FAT3: variants seen among roughly 807,000 people sequenced by gnomAD.
FAT3 encodes protocadherin Fat 3.
A neutral mutation model predicts 310.2 loss-of-function variants in FAT3; 95 were observed. The ratio of observed to expected loss-of-function variants is 0.31; its 90% confidence interval spans 0.26 to 0.36. The LOEUF (loss-of-function observed/expected upper bound fraction) is 0.36. Ranked by LOEUF, FAT3 falls within the 10% of genes least tolerant of loss-of-function variation. The pLI is 1.00. For synonymous variants in FAT3, 2,314 were observed against 2,192.9 expected (o/e 1.06, Z -1.54); for missense variants, 5,408 against 5,715.6 (o/e 0.95, Z 1.74).
chr11:92,263,654 T>G (rs2608774), intron 1 of FAT3, among the ~76,000 whole-genome samples: 137,974 of 151,626 alleles, frequency 0.91, 62,890 homozygotes, highest in East Asian at 0.94. Context: ...TATATATATA[T>G]AGAGAGAGAT....
chr11:92,287,056 T>C (rs1591056082), intron 1 of FAT3, among the ~76,000 whole-genome samples: 1 of 152,146 alleles, frequency 6.6e-6, no homozygotes, highest in African/African-American at 2.4e-5. Context: ...CTTTAAACAG[T>C]AGATTCTTTA....
At chr11:92,584,893 C>G (rs936457252) in intron 3 of FAT3, among the ~76,000 whole-genome samples, 2 of 151,818 alleles carry the variant, frequency 1.3e-5, no homozygotes, top group Non-Finnish European at 2.9e-5. Context: ...AGCTGGAGGG[C>G]AGTATTTTGC....
In FAT3 at chr11:92,886,154, T is replaced by G. The variant is rs143874455; in HGVS notation, c.12938-846T>G. On this transcript the variant is annotated intron_variant, in intron 24 of 27. Transcript: ENST00000525166. ...AATTCACCTCAGGCCAAAACTCACA[T>G]TTCCCCCCAAAGTATTGTTGGGTTG... Among the ~76,000 whole-genome samples the G allele has an allele frequency of 3.6e-4, 55 of 152,290 alleles. 2 individuals carry two copies. In the East Asian group the frequency reaches 8.7e-3, roughly 24 times the overall value.
chr11:92,515,194 A>G (rs1953437495), intron 2 of FAT3, among the ~76,000 whole-genome samples: 1 of 152,146 alleles, frequency 6.6e-6, no homozygotes, highest in Non-Finnish European at 1.5e-5. Context: ...ATGAACAGAT[A>G]GATGGAAGGA....
intron 1 of FAT3, among the ~76,000 whole-genome samples, chr11:92,282,829 G>T (rs1946465169): frequency 6.6e-6 from 1 of 151,988 alleles, no homozygotes; most frequent in Non-Finnish European, 1.5e-5. Context: ...GTAAACGATT[G>T]TTTACTTATA....
chr11:92,837,789 T>C lies in FAT3; in HGVS notation c.10351T>C (p.Tyr3451His), dbSNP rs752539836. 4 of 1,614,032 alleles carry C rather than the reference T, an allele frequency of 2.5e-6. No individual in the cohort carries two copies. The highest frequency in any genetic ancestry group is 2.2e-5 in the South Asian group (2 of 91,084). ...CAGCCCGGTGTTTACACCTGCCAAC[T>C]ATACTGCTGTGATTCAGGTGAGAAA... is the stretch of plus-strand genomic sequence containing the variant. Reference protein sequence around the residue: ...DNSPVFTPANYTAVIQENKPV... With the variant: ...DNSPVFTPANHTAVIQENKPV... Residue 3451 changes from tyrosine (Y) to histidine (H), a missense_variant, in exon 17 of 28, where the codon TAT (tyrosine) becomes CAT (histidine). Physicochemically the swap from Tyr to His is moderately conservative, Grantham distance 83. Around this residue, in one of 5 missense-constraint regions of FAT3, gnomAD observed 4,588 missense variants for 4,809.8 expected, o/e 0.95. Coordinates refer to ENST00000525166, the MANE Select transcript of FAT3 (RefSeq NM_001367949.2).
intron 2 of FAT3, among the ~76,000 whole-genome samples, chr11:92,488,650 T>G (rs1236283191): frequency 6.6e-6 from 1 of 152,050 alleles, no homozygotes; most frequent in East Asian, 1.9e-4. Context: ...CTCCTCTGCC[T>G]AGAACCATCC....
chr11:92,351,384 T>C (rs1039832407), intron 1 of FAT3, among the ~76,000 whole-genome samples: 1 of 152,186 alleles, frequency 6.6e-6, no homozygotes, highest in African/African-American at 2.4e-5. Context: ...TGAACAATGT[T>C]CATTGAAGAA....
Position 92,354,018 on chromosome 11 carries a change from A to G in FAT3, c.1906A>G (p.Lys636Glu). The change falls in exon 2 of 28, where the codon AAA (lysine) becomes GAA (glutamate). Residue 636 changes from lysine to glutamate, a missense_variant. Lys to Glu is a moderately conservative substitution (Grantham distance 56, BLOSUM62 1). Transcript: ENST00000525166. ...LNPDSGVLQLKKSLTNSGIKN... is the reference protein window; with the variant it reads ...LNPDSGVLQLEKSLTNSGIKN... ...CCCAGATTCTGGTGTTTTACAGCTTAAAAAATCACTGACAAATTCTGGCAT... is the reference window on the plus strand; with the variant it reads ...CCCAGATTCTGGTGTTTTACAGCTTGAAAAATCACTGACAAATTCTGGCAT... 1 of 1,613,184 alleles carries G rather than the reference A, an allele frequency of 6.2e-7. No individual in the cohort carries two copies. The highest frequency in any genetic ancestry group is 8.5e-7 in the Non-Finnish European group (1 of 1,179,550).
chr11:92,285,604 C>T (rs1946542340), intron 1 of FAT3, among the ~76,000 whole-genome samples: 1 of 152,118 alleles, frequency 6.6e-6, no homozygotes, highest in Non-Finnish European at 1.5e-5. Context: ...TTGGGAAAGA[C>T]ACTTAGGTCT....
At chr11:92,248,347 A>G (rs1327713024) in intron 1 of FAT3, among the ~76,000 whole-genome samples, 2 of 152,122 alleles carry the variant, frequency 1.3e-5, no homozygotes, top group Non-Finnish European at 2.9e-5. Flanking sequence ...ACTAGATTTC[A>G]TGTCTCATAC....
intron 2 of FAT3, among the ~76,000 whole-genome samples, chr11:92,467,043 G>A (rs1448309917): frequency 2.0e-5 from 3 of 152,034 alleles, no homozygotes; most frequent in African/African-American, 4.8e-5. Context: ...CAATAAACAC[G>A]TGTGCATGTG....
At chr11:92,602,470 C>T (rs2135592275) in intron 3 of FAT3, among the ~76,000 whole-genome samples, 1 of 152,264 alleles carries the variant, frequency 6.6e-6, no homozygotes, top group South Asian at 2.1e-4. Flanking sequence ...AACAGATTGG[C>T]CGGTTAGCCT....
intron 3 of FAT3, among the ~76,000 whole-genome samples, chr11:92,531,153 T>C (rs955898681): frequency 6.6e-6 from 1 of 152,214 alleles, no homozygotes; most frequent in African/African-American, 2.4e-5. Flanking sequence ...CCTTGCTCCT[T>C]CTTTCAGCCA....
Position 92,657,713 on chromosome 11 carries a change from A to C in FAT3, c.3608-39671A>C, listed in dbSNP as rs1226542099. On this transcript the variant is annotated intron_variant, in intron 3 of 27. Coordinates refer to ENST00000525166, the MANE Select transcript of FAT3 (RefSeq NM_001367949.2). ...GACAGTGAATACTTTCAAATATTTCATCCAGATTCAGGAAGACCTCAGATG... is the reference window on the plus strand; with the variant it reads ...GACAGTGAATACTTTCAAATATTTCCTCCAGATTCAGGAAGACCTCAGATG... Among the ~76,000 whole-genome samples the C allele has an allele frequency of 2.6e-5, 4 of 152,254 alleles. No homozygotes were observed. In the East Asian group the frequency reaches 7.7e-4, roughly 29 times the overall value.
At chr11:92,365,066 C>T (rs1948982303) in intron 2 of FAT3, among the ~76,000 whole-genome samples, 1 of 152,080 alleles carries the variant, frequency 6.6e-6, no homozygotes, top group Non-Finnish European at 1.5e-5. Context: ...TCATGACTAG[C>T]CTGGGCAACA....
At chr11:92,392,581 A>G (rs1203175013) in intron 2 of FAT3, among the ~76,000 whole-genome samples, 4 of 152,056 alleles carry the variant, frequency 2.6e-5, no homozygotes, top group Non-Finnish European at 2.9e-5. Context: ...TGAAGTGTCT[A>G]CACCACCCTA....
intron 3 of FAT3, among the ~76,000 whole-genome samples, chr11:92,682,062 T>C (rs1943497147): frequency 6.6e-6 from 1 of 152,196 alleles, no homozygotes; most frequent in Non-Finnish European, 1.5e-5. Context: ...GTCCTGTGTC[T>C]TTGTGGTTAA....
chr11:92,473,982 G>C (rs570498491), intron 2 of FAT3, among the ~76,000 whole-genome samples: 131 of 152,264 alleles, frequency 8.6e-4, no homozygotes, highest in Middle Eastern at 3.4e-3. Context: ...CTATGGAGCT[G>C]AGAATTACAA....
Sources: gnomAD v4.1 joint callset for allele counts (sites outside exome capture counted in the v4.1 genomes callset) on GRCh38, gnomAD v4.1.1 for gene constraint, gnomAD v4.1.1 regional missense constraint, MANE v1.5 for transcripts, NCBI Gene and HGNC (gene_info 2026-07-23, HGNC 2026-07-21) for gene names.